Variants in PRDM16 observed in about 807,000 individuals in gnomAD.
PRDM16 encodes PR/SET domain 16, also known as histone-lysine N-methyltransferase PRDM16.
PRDM16 carries 23 observed loss-of-function variants against 110.6 expected under a neutral mutation model. That is an observed-to-expected ratio of 0.21 (90% confidence interval 0.15 to 0.29). PRDM16 has a LOEUF of 0.29. Ranked by LOEUF, PRDM16 falls within the 10% of genes least tolerant of loss-of-function variation. PRDM16 has a pLI of 1.00. For missense variants in PRDM16, 1,615 were observed against 1,794.3 expected, an observed-to-expected ratio of 0.90 and a Z score of 1.81; for synonymous variants, 799 against 781.8, an observed-to-expected ratio of 1.02 and a Z score of -0.37.
chr1:3,085,466 C>T (rs1319809183), intron 1 of PRDM16, among the ~76,000 whole-genome samples: 1 of 152,240 alleles, frequency 6.6e-6, no homozygotes, highest in Non-Finnish European at 1.5e-5. Context: ...AGCATCTGCT[C>T]TCTTGGTCTG....
chr1:3,103,509 G>T (rs1642579077), intron 1 of PRDM16, among the ~76,000 whole-genome samples: 1 of 152,256 alleles, frequency 6.6e-6, no homozygotes, highest in African/African-American at 2.4e-5. Context: ...TTGACTGGCA[G>T]TGGCTCTTTG....
At chr1:3,177,993 G>T (rs944934814) in intron 1 of PRDM16, among the ~76,000 whole-genome samples, 1 of 152,168 alleles carries the variant, frequency 6.6e-6, no homozygotes, top group African/African-American at 2.4e-5. Flanking sequence ...TCTGGCAGAC[G>T]CCAGGCCGCG....
At chr1:3,253,798 T>G (rs1054093099) in intron 3 of PRDM16, among the ~76,000 whole-genome samples, 2 of 152,144 alleles carry the variant, frequency 1.3e-5, no homozygotes, top group Non-Finnish European at 2.9e-5. Flanking sequence ...ACTTCCACAA[T>G]GGTTGAACTA....
At chr1:3,326,083 T>G (rs1641895737) in intron 3 of PRDM16, among the ~76,000 whole-genome samples, 1 of 73,366 alleles carries the variant, frequency 1.4e-5, no homozygotes, top group Non-Finnish European at 2.8e-5. Context: ...CGACCATCCT[T>G]GGCCCCCCTT....
rs12034070 is a variant in PRDM16 at position 3,098,456 on chromosome 1, C to T, written c.37+29160C>T. The stretch of plus-strand genomic sequence containing the variant: ...GGTCCCACTTGTCTCCCCCACTCAC[C>T]GCTCCACCCAGGTGCTTCCCCCAGA... On this transcript the variant is annotated intron_variant, in intron 1 of 16. Transcript: ENST00000270722. Among the ~76,000 whole-genome samples, 845 of 152,276 alleles carry T rather than the reference C, an allele frequency of 5.5e-3. 6 individuals carry two copies. The highest frequency in any genetic ancestry group is 0.018 in the African/African-American group (733 of 41,552).
intron 3 of PRDM16, among the ~76,000 whole-genome samples, chr1:3,256,816 C>T (rs1335770376): frequency 2.0e-5 from 3 of 152,092 alleles, no homozygotes; most frequent in East Asian, 3.9e-4. Context: ...GAGATGGCAC[C>T]ACTGCACTCC....
Position 3,243,667 on chromosome 1 carries a change from G to A in PRDM16, c.388-420G>A, listed in dbSNP as rs565365256. ...AATACACGTGGTGTGATTCGCCGGC[G>A]GAACTTGGAGGAAACACAAATAGAG... On this transcript the variant is annotated intron_variant, in intron 2 of 16. Transcript: ENST00000270722. The surrounding 1 kb of genome is among the most constrained non-coding windows in gnomAD (Gnocchi z 5.5). 1.1e-4 allele frequency among the ~76,000 whole-genome samples: 17 copies of A among 152,234 alleles called. No homozygotes were observed. The highest frequency in any genetic ancestry group is 4.6e-4 in the Admixed American group (7 of 15,286).
intron 3 of PRDM16, among the ~76,000 whole-genome samples, chr1:3,270,046 G>GAC (rs1290054756): frequency 1.0e-4 from 15 of 148,044 alleles, no homozygotes; most frequent in African/African-American, 3.7e-4. Context: ...TGGAAGAGGT[G>GAC]AGTCCCGGAG....
intron 3 of PRDM16, among the ~76,000 whole-genome samples, chr1:3,345,536 T>C (rs1334689680): frequency 6.6e-6 from 1 of 152,198 alleles, no homozygotes; most frequent in Non-Finnish European, 1.5e-5. Flanking sequence ...AGGTTCAAAC[T>C]GGCCAAGTAC....
chr1:3,126,239 G>A (rs546578332), intron 1 of PRDM16, among the ~76,000 whole-genome samples: 2 of 152,156 alleles, frequency 1.3e-5, no homozygotes, highest in African/African-American at 2.4e-5. Flanking sequence ...CGCAGCTCTC[G>A]CCGCCGCCGC....
chr1:3,333,764 C>T (rs894098464), intron 3 of PRDM16, among the ~76,000 whole-genome samples: 4 of 152,170 alleles, frequency 2.6e-5, no homozygotes, highest in African/African-American at 9.7e-5. Flanking sequence ...GGTTTGGCTC[C>T]ATCCCCTTGG....
chr1:3,427,677 G>A (rs1267956298), intron 14 of PRDM16, among the ~76,000 whole-genome samples: 2 of 152,284 alleles, frequency 1.3e-5, no homozygotes, highest in South Asian at 4.1e-4. Context: ...CCCCTCCTAG[G>A]AAGGTGAGCT....
Position 3,359,132 on chromosome 1 carries a change from C to T in PRDM16, c.439-26020C>T, listed in dbSNP as rs537926501. Among the ~76,000 whole-genome samples the T allele has an allele frequency of 1.2e-4, 19 of 152,306 alleles. No individual in the cohort carries two copies. The highest frequency in any genetic ancestry group is 4.3e-4 in the African/African-American group (18 of 41,556). ...ACGGCACACTGCAGCCTCCACCTCCCGGGCTCAAGCGATCCTCCCTCCTCA... is the reference window on the plus strand; with the variant it reads ...ACGGCACACTGCAGCCTCCACCTCCTGGGCTCAAGCGATCCTCCCTCCTCA... On this transcript the variant is annotated intron_variant, in intron 3 of 16. Transcript: ENST00000270722. The surrounding 1 kb of genome is among the most constrained non-coding windows in gnomAD (Gnocchi z 4.3).
At chr1:3,273,817 AGTGTGTGTGTGTGTGT>A (rs57550885) in intron 3 of PRDM16, among the ~76,000 whole-genome samples, 8 of 137,080 alleles carry the variant, frequency 5.8e-5, no homozygotes, top group African/African-American at 2.1e-4. Context: ...TAGGCATGTA[AGTGTGTGTGTGTGTGT>A]GTGTGTGTGT....
intron 2 of PRDM16, chr1:3,207,689 G>T (rs1638785640): frequency 6.6e-6 from 1 of 152,292 alleles, no homozygotes; most frequent in Non-Finnish European, 1.5e-5. Context: ...CGGGAGCTGA[G>T]GAAAGGAGTT....
chr1:3,114,262 A>ACG (rs1642880765), intron 1 of PRDM16, among the ~76,000 whole-genome samples: 1 of 145,212 alleles, frequency 6.9e-6, no homozygotes, highest in Non-Finnish European at 1.5e-5. Flanking sequence ...ACGCACGCGC[A>ACG]CACGTACACA....
chr1:3,427,237 C>T (rs1245231105), intron 14 of PRDM16, among the ~76,000 whole-genome samples: 2 of 152,200 alleles, frequency 1.3e-5, no homozygotes, highest in East Asian at 1.9e-4. Context: ...GACACCCCAG[C>T]GGGGCTGCTT....
rs540046022 is a variant in PRDM16 at position 3,122,034 on chromosome 1, G to T, written c.37+52738G>T. 1.3e-3 allele frequency among the ~76,000 whole-genome samples: 199 copies of T among 152,352 alleles called. 5 individuals are homozygous for T. The South Asian group carries it at 0.039, about 30-fold the overall frequency. On this transcript the variant is annotated intron_variant, in intron 1 of 16. Coordinates refer to ENST00000270722, the MANE Select transcript of PRDM16 (RefSeq NM_022114.4). ...TTTTCTATGAAACGCGCACCCGGCG[G>T]AGTATGGATCTGATTAGGGGAGCCA...
chr1:3,277,314 C>G (rs1398275610), intron 3 of PRDM16, among the ~76,000 whole-genome samples: 1 of 152,220 alleles, frequency 6.6e-6, no homozygotes, highest in Non-Finnish European at 1.5e-5. Context: ...CTGTCACACG[C>G]TTCACTCTCC....
Sources: gnomAD v4.1 joint callset for allele counts (sites outside exome capture counted in the v4.1 genomes callset) on GRCh38, gnomAD v4.1.1 for gene constraint, Gnocchi (gnomAD v3.1) non-coding constraint, MANE v1.5 for transcripts, NCBI Gene and HGNC (gene_info 2026-07-23, HGNC 2026-07-21) for gene names.